ZFAT: variants seen among roughly 807,000 people sequenced by gnomAD.
The protein encoded by ZFAT is zinc finger and AT-hook domain containing, also known as zinc finger protein ZFAT.
In ZFAT, 64 loss-of-function variants were observed where a neutral mutation model predicts 117.7. That is an observed-to-expected ratio of 0.54 (90% confidence interval 0.44 to 0.67). The LOEUF (loss-of-function observed/expected upper bound fraction) is 0.67. Among genes scored for constraint, ZFAT ranks in the 30% least tolerant of loss-of-function variants. ZFAT has a pLI of 0.00. For missense variants in ZFAT, 1,433 were observed against 1,584.5 expected (o/e 0.90, Z 1.62); for synonymous variants, 679 against 615.0 (o/e 1.10, Z -1.54).
intron 7 of ZFAT, among the ~76,000 whole-genome samples, chr8:134,592,530 T>A (rs1563643965): frequency 6.6e-6 from 1 of 152,186 alleles, no homozygotes; most frequent in Non-Finnish European, 1.5e-5. Flanking sequence ...CGTTTCATCA[T>A]CTGTAAAATG....
intron 14 of ZFAT, among the ~76,000 whole-genome samples, chr8:134,511,977 C>T (rs1407567042): frequency 6.6e-6 from 1 of 152,180 alleles, no homozygotes; most frequent in Non-Finnish European, 1.5e-5. Context: ...TCACTGCCTG[C>T]CTGGCCCCTG....
intron 1 of ZFAT, among the ~76,000 whole-genome samples, chr8:134,688,055 T>A (rs1183145656): frequency 6.6e-6 from 1 of 151,206 alleles, no homozygotes; most frequent in Non-Finnish European, 1.5e-5. Flanking sequence ...AGCTCAAAAA[T>A]GGAGATAACC....
chr8:134,636,471 A>T (rs967580881), intron 3 of ZFAT, among the ~76,000 whole-genome samples: 1 of 152,220 alleles, frequency 6.6e-6, no homozygotes. Context: ...AAGCAACCAT[A>T]GGAGACAGGA....
At chr8:134,634,310 G>A (rs183760877) in intron 3 of ZFAT, among the ~76,000 whole-genome samples, 5 of 152,312 alleles carry the variant, frequency 3.3e-5, no homozygotes, top group East Asian at 3.9e-4. Flanking sequence ...AAGAATGGAG[G>A]AGGGCCTTCT....
the ZFAT span, among the ~76,000 whole-genome samples, chr8:134,769,964 G>A: frequency 2.0e-5 from 3 of 152,198 alleles, no homozygotes; most frequent in Non-Finnish European, 4.4e-5. Flanking sequence ...CTGGGACACA[G>A]GGCACCAAGC....
At chr8:134,769,677 G>T in the ZFAT span, among the ~76,000 whole-genome samples, 1 of 152,108 alleles carries the variant, frequency 6.6e-6, no homozygotes, top group African/African-American at 2.4e-5. Flanking sequence ...CTCTGTGTGG[G>T]GGCTCTGACC....
At chr8:134,603,920 T>C (rs1827697541) in intron 5 of ZFAT, among the ~76,000 whole-genome samples, 1 of 152,256 alleles carries the variant, frequency 6.6e-6, no homozygotes, top group Non-Finnish European at 1.5e-5. Flanking sequence ...TCCTCTATCA[T>C]GGTTGGTTTA....
chr8:134,544,343 G>C (rs375760069), intron 11 of ZFAT, among the ~76,000 whole-genome samples: 1 of 152,258 alleles, frequency 6.6e-6, no homozygotes, highest in South Asian at 2.1e-4. Context: ...TAAAGAAAAA[G>C]GGAAGATTGC....
intron 2 of ZFAT, among the ~76,000 whole-genome samples, chr8:134,641,894 A>T (rs1300008994): frequency 3.3e-5 from 5 of 152,248 alleles, no homozygotes; most frequent in Admixed American, 2.6e-4. Flanking sequence ...AAAACTGGCA[A>T]GGGGCAGAGA....
the ZFAT span, among the ~76,000 whole-genome samples, chr8:134,816,974 C>T: frequency 6.8e-6 from 1 of 147,612 alleles, no homozygotes; most frequent in Non-Finnish European, 1.5e-5. Context: ...GAGTAAGACT[C>T]CATCTCAAAA....
chr8:134,700,288 T>C (rs962691074), intron 1 of ZFAT, among the ~76,000 whole-genome samples: 11 of 152,164 alleles, frequency 7.2e-5, no homozygotes, highest in Non-Finnish European at 1.5e-4. Flanking sequence ...CCAAAGCCAG[T>C]GCTATTTCCC....
At chr8:134,612,827 G>A (rs1371230405) in intron 3 of ZFAT, among the ~76,000 whole-genome samples, 1 of 152,222 alleles carries the variant, frequency 6.6e-6, no homozygotes, top group Non-Finnish European at 1.5e-5. Context: ...CCTTTGAAGA[G>A]CATGATGACT....
chr8:134,791,995 T>C, the ZFAT span: 1 of 152,090 alleles, frequency 6.6e-6, no homozygotes, highest in African/African-American at 2.4e-5. Flanking sequence ...GCAGATCAAA[T>C]GAAAAAAACA....
intron 1 of ZFAT, among the ~76,000 whole-genome samples, chr8:134,689,590 G>A (rs1586955440): frequency 6.6e-6 from 1 of 152,344 alleles, no homozygotes; most frequent in East Asian, 1.9e-4. Context: ...AGAGCAGAGG[G>A]AGCCATGAAA....
the ZFAT span, among the ~76,000 whole-genome samples, chr8:134,752,286 A>G: frequency 6.6e-6 from 1 of 152,112 alleles, no homozygotes; most frequent in African/African-American, 2.4e-5. Flanking sequence ...TGTGGCCAAA[A>G]GTCAAACTTC....
intron 1 of ZFAT, among the ~76,000 whole-genome samples, chr8:134,668,718 A>G (rs1214089144): frequency 6.6e-6 from 1 of 152,262 alleles, no homozygotes; most frequent in African/African-American, 2.4e-5. Flanking sequence ...AAAGGAACAC[A>G]GCTCCTCACT....
chr8:134,731,438 C>T, the ZFAT span, among the ~76,000 whole-genome samples: 2 of 152,254 alleles, frequency 1.3e-5, no homozygotes, highest in East Asian at 3.9e-4. Context: ...CTGTAAAGGG[C>T]CAGATAGTAT....
chr8:134,705,680 CA>C (rs1213493056), intron 1 of ZFAT, among the ~76,000 whole-genome samples: 2 of 151,736 alleles, frequency 1.3e-5, no homozygotes, highest in Non-Finnish European at 2.9e-5. Flanking sequence ...AGGCATGAGC[CA>C]CCAAGCCTGG....
the ZFAT span, among the ~76,000 whole-genome samples, chr8:134,759,991 C>CA: frequency 1.6e-5 from 2 of 122,772 alleles, no homozygotes; most frequent in Non-Finnish European, 3.3e-5. Flanking sequence ...AAAAAAAAAA[C>CA]AAACAGAGGC....
Sources: allele counts gnomAD v4.1 joint callset (sites outside exome capture counted in the v4.1 genomes callset), GRCh38; gene constraint gnomAD v4.1.1; transcripts MANE v1.5; gene names NCBI Gene and HGNC (gene_info 2026-07-23, HGNC 2026-07-21).